STAB2: variants seen among roughly 807,000 people sequenced by gnomAD.
STAB2 encodes stabilin-2.
In STAB2, 288 loss-of-function variants were observed where a neutral mutation model predicts 338.1. The ratio of observed to expected loss-of-function variants is 0.85; its 90% CI spans 0.77 to 0.94. The LOEUF is 0.94. Among genes scored for constraint, STAB2 ranks in the 40% least tolerant of loss-of-function variants. The pLI, the probability that STAB2 is intolerant of heterozygous loss-of-function variation, is 0.00. For synonymous variants in STAB2, 1,202 were observed against 1,193.3 expected, an observed-to-expected ratio of 1.01 and a Z score of -0.15; for missense variants, 3,141 against 3,210.1, an observed-to-expected ratio of 0.98 and a Z score of 0.52.
chr12:103,711,546 A>G, intron 40 of STAB2, 30 bp downstream of exon 40: 1 of 1,612,264 alleles, frequency 6.2e-7, no homozygotes, highest in Non-Finnish European at 8.5e-7. Context: ...CTCTGGGGAC[A>G]GTGTAAAGGG....
In STAB2 at chr12:103,637,115, C is replaced by T; in HGVS notation, c.588C>T (p.Ile196=). The change falls in exon 7 of 69, where the codon ATC becomes ATT. Residue 196 remains isoleucine (I), a synonymous_variant. Transcript: ENST00000388887. ...TTCAACAATTTTCCTATGCAGCCAT[C>T]CCTGAATGTGCAGCCTTGCTCTGCC... ...AYTGPKCDKP[I]PECAALLCPE... The T allele has an allele frequency of 1.2e-6, 2 of 1,602,710 alleles. No homozygotes were observed. Among genetic ancestry groups the T allele is most frequent in the Non-Finnish European group, 1.7e-6 (2 of 1,176,152 alleles).
chr12:103,757,264 T>C (rs1011759473), intron 63 of STAB2, among the ~76,000 whole-genome samples: 29 of 151,742 alleles, frequency 1.9e-4, no homozygotes, highest in Non-Finnish European at 2.9e-4. Context: ...ATTTTTTAAC[T>C]TTTTGTAGAG....
At chr12:103,596,680 G>A (rs995360188) in intron 3 of STAB2, among the ~76,000 whole-genome samples, 1 of 152,144 alleles carries the variant, frequency 6.6e-6, no homozygotes, top group African/African-American at 2.4e-5. Flanking sequence ...TTTTTTAACA[G>A]TGGGTAACTC....
intron 8 of STAB2, among the ~76,000 whole-genome samples, chr12:103,638,684 A>C (rs1413255453): frequency 6.6e-6 from 1 of 152,224 alleles, no homozygotes; most frequent in African/African-American, 2.4e-5. Context: ...TATTCTGGGG[A>C]GAGACACTGT....
intron 68 of STAB2, among the ~76,000 whole-genome samples, chr12:103,765,255 G>C (rs1006995518): frequency 6.6e-6 from 1 of 152,116 alleles, no homozygotes; most frequent in African/African-American, 2.4e-5. Context: ...CCTTCTGAGG[G>C]CTCTATCAGC....
intron 9 of STAB2, among the ~76,000 whole-genome samples, chr12:103,642,147 T>G (rs954717991): frequency 6.6e-6 from 1 of 152,256 alleles, no homozygotes; most frequent in African/African-American, 2.4e-5. Context: ...CAGGAATCTC[T>G]GCCTGTGGAG....
chr12:103,717,936 C>T (rs1566043824), intron 44 of STAB2, 95 bp downstream of exon 44: 2 of 1,199,632 alleles, frequency 1.7e-6, no homozygotes, highest in Non-Finnish European at 2.5e-6. Flanking sequence ...GGAACTCTTC[C>T]TCTGGAGGCC....
intron 8 of STAB2, among the ~76,000 whole-genome samples, chr12:103,638,901 G>A (rs1456362309): frequency 6.6e-6 from 1 of 152,240 alleles, no homozygotes; most frequent in Non-Finnish European, 1.5e-5. Flanking sequence ...GCACAGGTAG[G>A]AGGAAGGGCT....
intron 60 of STAB2, 65 bp from the exon 61 acceptor site, chr12:103,753,155 C>G: frequency 6.3e-7 from 1 of 1,594,000 alleles, no homozygotes; most frequent in Non-Finnish European, 8.6e-7. Context: ...CCTTCAGAGT[C>G]CATTGTTGGA....
chr12:103,668,457 G>C (rs1875377398), intron 19 of STAB2, 186 bp from the exon 20 acceptor site: 3 of 580,368 alleles, frequency 5.2e-6, no homozygotes, highest in Non-Finnish European at 9.4e-6. Flanking sequence ...CACCAACAAG[G>C]GAACAGGCCT....
chr12:103,697,858 C>A (rs770725288), intron 33 of STAB2, among the ~76,000 whole-genome samples: 11 of 152,220 alleles, frequency 7.2e-5, no homozygotes, highest in Non-Finnish European at 1.5e-4. Context: ...ATGTATAAAC[C>A]TAGAGCCTCT....
intron 44 of STAB2, among the ~76,000 whole-genome samples, chr12:103,721,398 G>A (rs968213957): frequency 2.0e-5 from 3 of 152,210 alleles, no homozygotes; most frequent in Admixed American, 6.5e-5. Flanking sequence ...GAGCCAGTGT[G>A]AATGCAGTAA....
chr12:103,753,425 G>A, intron 61 of STAB2, 72 bp downstream of exon 61: 4 of 1,604,742 alleles, frequency 2.5e-6, no homozygotes, highest in African/African-American at 1.3e-5. Context: ...TTCTTAAGAT[G>A]GGGAAGACTT....
intron 10 of STAB2, 140 bp from the exon 11 acceptor site, chr12:103,650,356 C>A: frequency 1.7e-6 from 1 of 588,120 alleles, no homozygotes; most frequent in East Asian, 3.0e-5. Context: ...CCAGTTGACA[C>A]AGGGCCTACA....
At chr12:103,746,564 G>A in intron 57 of STAB2, 33 bp from the exon 58 acceptor site, 1 of 1,602,462 alleles carries the variant, frequency 6.2e-7, no homozygotes, top group South Asian at 1.1e-5. Context: ...TCACACCATG[G>A]GTACAGAATG....
rs768605988 is a variant in STAB2 at position 103,674,099 on chromosome 12, AG to A, written c.2552+15del. The A allele has an allele frequency of 2.5e-6, 4 of 1,603,624 alleles. No individual in the cohort carries two copies. In the African/African-American group the frequency reaches 4.0e-5, roughly 16 times the overall value. On this transcript the variant is annotated intron_variant, in intron 23 of 68. Transcript: ENST00000388887. Reference sequence around the variant, plus strand: ...AATGGGACAGCCAGGTAGGTCTGTGAGGGAATGGCCCTTAATGACGCTGAGT... The same window carrying A: ...AATGGGACAGCCAGGTAGGTCTGTGAGGAATGGCCCTTAATGACGCTGAGT...
chr12:103,679,368 C>T (rs1198629674), intron 25 of STAB2, among the ~76,000 whole-genome samples: 1 of 147,244 alleles, frequency 6.8e-6, no homozygotes, highest in Non-Finnish European at 1.5e-5. Flanking sequence ...AACTCTGTAT[C>T]AAAAAAGAAA....
At chr12:103,669,480 C>A in intron 20 of STAB2, 61 bp from the exon 21 acceptor site, 1 of 1,373,786 alleles carries the variant, frequency 7.3e-7, no homozygotes, top group South Asian at 1.2e-5. Context: ...AAATGCATCC[C>A]CTTTGAGGAA....
intron 5 of STAB2, among the ~76,000 whole-genome samples, chr12:103,622,757 GA>G (rs1490653546): frequency 1.3e-5 from 2 of 152,188 alleles, no homozygotes; most frequent in African/African-American, 4.8e-5. Context: ...CTACTCCCCG[GA>G]AATGCTTCCA....
Sources: gnomAD v4.1 joint callset for allele counts (sites outside exome capture counted in the v4.1 genomes callset) on GRCh38, gnomAD v4.1.1 for gene constraint, MANE v1.5 for transcripts, NCBI Gene and HGNC (gene_info 2026-07-23, HGNC 2026-07-21) for gene names.